Variants in DLGAP1 observed in about 807,000 individuals in gnomAD.
DLGAP1 encodes the protein DLG associated protein 1.
A neutral mutation model predicts 90.8 loss-of-function variants in DLGAP1; 11 were observed. That is an observed-to-expected ratio of 0.12 (90% CI 0.08 to 0.20). The LOEUF (loss-of-function observed/expected upper bound fraction) is 0.20, where lower values mean the gene tolerates loss of function less well. Ranked by LOEUF, DLGAP1 falls within the 10% of genes least tolerant of loss-of-function variation. The pLI is 1.00. For synonymous variants in DLGAP1, 558 were observed against 540.7 expected (o/e 1.03, Z -0.44); for missense variants, 1,050 against 1,333.8 (o/e 0.79, Z 3.31).
In DLGAP1 at chr18:3,905,324, G is replaced by T. The variant is rs868074811; in HGVS notation, c.-72-25184C>A. Among the ~76,000 whole-genome samples the T allele has an allele frequency of 2.6e-3, 308 of 116,466 alleles. 5 individuals are homozygous for T. The highest frequency in any genetic ancestry group is 9.6e-3 in the African/African-American group (298 of 31,034). The allele number at this position is 116,466 out of a possible 152,430, so 76.4% of individuals were successfully genotyped here. ...GGAGCTTGCAGTGAACCGAGATCAC[G>T]CCACTGCACTCCAGCCTGGGCAACA... On this transcript the variant is annotated intron_variant, in intron 3 of 12. Transcript: ENST00000315677.
chr18:4,428,965 G>C (rs2083218702), intron 1 of DLGAP1, among the ~76,000 whole-genome samples: 1 of 152,168 alleles, frequency 6.6e-6, no homozygotes, highest in Non-Finnish European at 1.5e-5. Flanking sequence ...GAGAGGCCAT[G>C]CCACGTCACT....
At chr18:4,398,584 T>C (rs531587396) in intron 1 of DLGAP1, among the ~76,000 whole-genome samples, 15 of 152,290 alleles carry the variant, frequency 9.8e-5, no homozygotes, top group Middle Eastern at 3.4e-3. Flanking sequence ...GGAAGATGAT[T>C]GCGGGGGATG....
intron 6 of DLGAP1, among the ~76,000 whole-genome samples, chr18:3,733,247 G>A (rs1212823482): frequency 1.3e-5 from 2 of 152,004 alleles, no homozygotes; most frequent in Non-Finnish European, 2.9e-5. Context: ...ACCAGTGAAC[G>A]CTCATTTAGT....
intron 6 of DLGAP1, among the ~76,000 whole-genome samples, chr18:3,736,403 A>G (rs903432924): frequency 2.0e-5 from 3 of 152,254 alleles, no homozygotes; most frequent in Middle Eastern, 3.4e-3. Flanking sequence ...GGGCTCTTTT[A>G]CTGCTGTGAG....
chr18:4,452,671 A>G (rs1210239350), intron 1 of DLGAP1, among the ~76,000 whole-genome samples: 3 of 152,156 alleles, frequency 2.0e-5, no homozygotes, highest in Non-Finnish European at 2.9e-5. Context: ...TTTTGGAAGG[A>G]AGGTCTTGTC....
At chr18:4,156,465 A>C (rs1202496017) in intron 1 of DLGAP1, among the ~76,000 whole-genome samples, 2 of 152,176 alleles carry the variant, frequency 1.3e-5, no homozygotes. Flanking sequence ...ATCTTTTTCT[A>C]CTGACTATAT....
chr18:4,369,964 G>A (rs891795877), intron 1 of DLGAP1, among the ~76,000 whole-genome samples: 3 of 151,980 alleles, frequency 2.0e-5, no homozygotes, highest in Admixed American at 6.6e-5. Flanking sequence ...GGTTATGATC[G>A]CATTGCTGTG....
intron 7 of DLGAP1, among the ~76,000 whole-genome samples, chr18:3,704,493 C>G (rs1027415937): frequency 6.6e-6 from 1 of 151,932 alleles, no homozygotes; most frequent in African/African-American, 2.4e-5. Context: ...TCGCTTGAAC[C>G]CGGGAGGCAG....
rs1289266951 is a variant in DLGAP1, at chr18:4,151,237, C to A, written c.-216G>T. On this transcript the variant is annotated 5_prime_UTR_variant, in exon 2 of 13. Transcript: ENST00000315677. ...CCGAGTCAGGAAAAGATCCAAATTG[C>A]AGGCTTTTTTTTAACCTGATGTCAC... The A allele has an allele frequency of 6.6e-6, 1 of 152,118 alleles. No homozygotes were observed. The highest frequency in any genetic ancestry group is 1.5e-5 in the Non-Finnish European group (1 of 68,022). The allele number at this position is 152,118 out of a possible 1,614,324, so 9.4% of individuals were successfully genotyped here.
At chr18:4,150,790 T>C (rs190692307) in intron 2 of DLGAP1, among the ~76,000 whole-genome samples, 1 of 152,370 alleles carries the variant, frequency 6.6e-6, no homozygotes, top group East Asian at 1.9e-4. Context: ...TGTGGATAAA[T>C]GCAAATTTGT....
rs573130037 is a variant in DLGAP1 at position 3,803,198 on chromosome 18, C to A, written c.1172+10861G>T. Among the ~76,000 whole-genome samples, 36 of 152,250 alleles carry A rather than the reference C, an allele frequency of 2.4e-4. 1 individual carries two copies. Among genetic ancestry groups the A allele is most frequent in the South Asian group, 6.2e-4 (3 of 4,822 alleles). On this transcript the variant is annotated intron_variant, in intron 5 of 12. Coordinates refer to ENST00000315677, the MANE Select transcript of DLGAP1 (RefSeq NM_004746.4). Reference sequence around the variant, plus strand: ...GCTCTCATTGGACGACTGGACCCCCCCTAGCATTGTGGAGTGGCTCCTTTC... The same window carrying A: ...GCTCTCATTGGACGACTGGACCCCCACTAGCATTGTGGAGTGGCTCCTTTC...
chr18:3,685,915 T>G lies in DLGAP1; in HGVS notation c.1591+43220A>C, dbSNP rs562032690. Among the ~76,000 whole-genome samples the G allele has an allele frequency of 1.7e-4, 26 of 152,346 alleles. No individual in the cohort carries two copies. In the South Asian group the frequency reaches 5.0e-3, roughly 29 times the overall value. ...TAGGCCGGAGGCAGTGGCTCATGCCTGGAATCCCAGCACTTTGGGAGGCCA... is the reference window on the plus strand; with the variant it reads ...TAGGCCGGAGGCAGTGGCTCATGCCGGGAATCCCAGCACTTTGGGAGGCCA... On this transcript the variant is annotated intron_variant, in intron 7 of 12. Coordinates refer to ENST00000315677, the MANE Select transcript of DLGAP1 (RefSeq NM_004746.4).
chr18:4,024,892 T>A (rs2074674011), intron 2 of DLGAP1, among the ~76,000 whole-genome samples: 1 of 151,942 alleles, frequency 6.6e-6, no homozygotes, highest in South Asian at 2.1e-4. Context: ...GAAACAGTAA[T>A]CCAGGAGTGA....
At chr18:4,077,872 T>C (rs2075547382) in intron 2 of DLGAP1, among the ~76,000 whole-genome samples, 1 of 152,194 alleles carries the variant, frequency 6.6e-6, no homozygotes, top group Admixed American at 6.6e-5. Context: ...CATTTAAGCA[T>C]TCTGTGAAGG....
chr18:4,394,008 G>A (rs1226624193), intron 1 of DLGAP1, among the ~76,000 whole-genome samples: 2 of 152,288 alleles, frequency 1.3e-5, no homozygotes, highest in African/African-American at 2.4e-5. Flanking sequence ...ACTGGCCAGG[G>A]ACTGGTACTG....
chr18:4,055,918 C>T lies in DLGAP1; in HGVS notation c.-158-50717G>A, dbSNP rs940281363. On this transcript the variant is annotated intron_variant, in intron 2 of 12. Transcript: ENST00000315677. Reference sequence around the variant, plus strand: ...TGTGCAGGTGGATGTGTCATCTTCACTCCACTGTTGCCACGGCTGATTCTC... The same window carrying T: ...TGTGCAGGTGGATGTGTCATCTTCATTCCACTGTTGCCACGGCTGATTCTC... Among the ~76,000 whole-genome samples the T allele has an allele frequency of 1.4e-4, 21 of 152,172 alleles. 1 individual carries two copies. Among genetic ancestry groups the T allele is most frequent in the Admixed American group, 1.2e-3 (18 of 15,280 alleles).
intron 9 of DLGAP1, among the ~76,000 whole-genome samples, chr18:3,566,168 T>G (rs2054418573): frequency 1.3e-5 from 2 of 152,164 alleles, no homozygotes; most frequent in Admixed American, 1.3e-4. Context: ...TGATAAATAA[T>G]GTTTCACAAT....
intron 5 of DLGAP1, among the ~76,000 whole-genome samples, chr18:3,812,963 G>A (rs922827043): frequency 8.5e-5 from 13 of 152,170 alleles, no homozygotes; most frequent in African/African-American, 2.2e-4. Context: ...CGAATTATCC[G>A]TAATATATTT....
chr18:3,748,622 T>G (rs1022724941), intron 5 of DLGAP1, among the ~76,000 whole-genome samples: 4 of 152,224 alleles, frequency 2.6e-5, no homozygotes, highest in Admixed American at 2.6e-4. Context: ...AGGAGGTTAA[T>G]CTAACTTCAT....
Sources: allele counts gnomAD v4.1 joint callset (sites outside exome capture counted in the v4.1 genomes callset), GRCh38; gene constraint gnomAD v4.1.1; transcripts MANE v1.5; gene names NCBI Gene and HGNC (gene_info 2026-07-23, HGNC 2026-07-21).